The following ZFPM2 variants were observed in gnomAD, a reference collection of about 807,000 sequenced individuals.
ZFPM2 encodes the protein zinc finger protein, FOG family member 2, also known as zinc finger protein ZFPM2.
In ZFPM2, 20 loss-of-function variants were observed where a neutral mutation model predicts 98.6. The ratio of observed to expected loss-of-function variants is 0.20; its 90% CI spans 0.14 to 0.29. The LOEUF (loss-of-function observed/expected upper bound fraction) is 0.29, where lower values mean the gene tolerates loss of function less well. Ranked by LOEUF, ZFPM2 falls within the 10% of genes least tolerant of loss-of-function variation. ZFPM2 has a pLI of 1.00. For synonymous variants in ZFPM2, 518 were observed against 502.7 expected (o/e 1.03, Z -0.41); for missense variants, 1,310 against 1,388.6 (o/e 0.94, Z 0.90).
At chr8:105,369,765 C>G (rs1191146644) in intron 1 of ZFPM2, among the ~76,000 whole-genome samples, 2 of 151,470 alleles carry the variant, frequency 1.3e-5, no homozygotes, top group Non-Finnish European at 2.9e-5. Context: ...TTCTTTTTTT[C>G]TTTCTGGAAA....
Position 105,802,456 on chromosome 8 carries a change from C to T in ZFPM2, c.2374C>T (p.Pro792Ser), listed in dbSNP as rs756871219. ...CTACCACCCAAGATGTGATATCTTT[C>T]CAGGAATTGTCTCTAAACACTTGGA... is the stretch of plus-strand genomic sequence containing the variant. ...ECYHPRCDIFPGIVSKHLETS... is the reference protein window; with the variant it reads ...ECYHPRCDIFSGIVSKHLETS... The change falls in exon 8 of 8, where the codon CCA becomes TCA. Residue 792 changes from proline to serine, a missense_variant. Coordinates refer to ENST00000407775, the MANE Select transcript of ZFPM2 (RefSeq NM_012082.4). 3.6e-5 allele frequency: 58 copies of T among 1,613,520 alleles called. No homozygotes were observed. The Admixed American group carries it at 9.3e-4, about 26-fold the overall frequency.
chr8:105,731,142 C>T (rs544662446), intron 5 of ZFPM2, among the ~76,000 whole-genome samples: 8 of 151,740 alleles, frequency 5.3e-5, no homozygotes, highest in Non-Finnish European at 1.0e-4. Flanking sequence ...ATTCCTTTTT[C>T]ATGGGGCAAA....
chr8:105,410,484 A>T lies in ZFPM2; in HGVS notation c.41-8660A>T, dbSNP rs544402061. Among the ~76,000 whole-genome samples the T allele has an allele frequency of 2.7e-4, 41 of 152,068 alleles. No individual in the cohort carries two copies. The South Asian group carries it at 8.1e-3, about 30-fold the overall frequency. On this transcript the variant is annotated intron_variant, in intron 1 of 7. Transcript: ENST00000407775. ...TAGCAAAAGAAGGAAATATAAATCC[A>T]TTCTGGAGTTAAAAGACTCCGTGCC...
chr8:105,472,900 T>A (rs1336360770), intron 3 of ZFPM2, among the ~76,000 whole-genome samples: 3 of 150,024 alleles, frequency 2.0e-5, no homozygotes, highest in Non-Finnish European at 3.0e-5. Context: ...TTTTTTTTTT[T>A]TTTTTTTTTT....
chr8:105,646,590 G>A lies in ZFPM2; in HGVS notation c.532+12233G>A, dbSNP rs62528598. On this transcript the variant is annotated intron_variant, in intron 5 of 7. Coordinates refer to ENST00000407775, the MANE Select transcript of ZFPM2 (RefSeq NM_012082.4). ...ACTAAAGGCTGCATGGAAAGGCAGC[G>A]TGAGTAGGCAGGACTTATCAACTGG... is the stretch of plus-strand genomic sequence containing the variant. 4.6e-5 allele frequency among the ~76,000 whole-genome samples: 7 copies of A among 151,880 alleles called. No homozygotes were observed. In the East Asian group the frequency reaches 9.7e-4, roughly 21 times the overall value.
At position 105,495,421 on chromosome 8, in the gene ZFPM2, A is replaced by G. The variant is rs184579505; in HGVS notation, c.301+51040A>G. The stretch of plus-strand genomic sequence containing the variant: ...TTAAAAAAAATTTTGCTCCCTTGAT[A>G]CAGGAAAGAATGAATACATTGGAAT... On this transcript the variant is annotated intron_variant, in intron 3 of 7. Transcript: ENST00000407775. Among the ~76,000 whole-genome samples the G allele has an allele frequency of 2.9e-3, 446 of 152,342 alleles. 3 individuals are homozygous for G. The highest frequency in any genetic ancestry group is 5.3e-3 in the Non-Finnish European group (358 of 68,032).
intron 3 of ZFPM2, among the ~76,000 whole-genome samples, chr8:105,464,891 C>T (rs565190625): frequency 2.0e-4 from 30 of 150,712 alleles, no homozygotes; most frequent in African/African-American, 7.1e-4. Flanking sequence ...ATTTCTTCTT[C>T]TGGAGCTCTC....
At chr8:105,542,988 G>A (rs1201986229) in intron 3 of ZFPM2, among the ~76,000 whole-genome samples, 1 of 152,044 alleles carries the variant, frequency 6.6e-6, no homozygotes, top group African/African-American at 2.4e-5. Flanking sequence ...GTCAAGGTGG[G>A]TCATTAGGTT....
intron 3 of ZFPM2, among the ~76,000 whole-genome samples, chr8:105,486,035 G>T (rs753261651): frequency 6.6e-6 from 1 of 152,060 alleles, no homozygotes; most frequent in Non-Finnish European, 1.5e-5. Context: ...TGAAAAGCTG[G>T]CCAGGAGATG....
intron 1 of ZFPM2, among the ~76,000 whole-genome samples, chr8:105,330,628 A>AT (rs1434041462): frequency 1.5e-5 from 1 of 68,450 alleles, no homozygotes; most frequent in African/African-American, 4.2e-5. Context: ...ATATATATAT[A>AT]TATACATATA....
chr8:105,395,039 G>A (rs1364422199), intron 1 of ZFPM2, among the ~76,000 whole-genome samples: 2 of 152,116 alleles, frequency 1.3e-5, no homozygotes, highest in East Asian at 3.9e-4. Flanking sequence ...CACTGTGGAA[G>A]GTAAGACATC....
At chr8:105,734,516 G>C (rs541786714) in intron 5 of ZFPM2, among the ~76,000 whole-genome samples, 4 of 151,890 alleles carry the variant, frequency 2.6e-5, no homozygotes, top group Non-Finnish European at 5.9e-5. Flanking sequence ...CCACGAGATG[G>C]TTAATTCCTC....
chr8:105,485,491 C>G (rs1229929446), intron 3 of ZFPM2, among the ~76,000 whole-genome samples: 1 of 152,048 alleles, frequency 6.6e-6, no homozygotes, highest in African/African-American at 2.4e-5. Context: ...GCTCTCCAAC[C>G]TGGGTGACAG....
chr8:105,508,820 A>T (rs1374648390), intron 3 of ZFPM2, among the ~76,000 whole-genome samples: 2 of 143,594 alleles, frequency 1.4e-5, no homozygotes, highest in Non-Finnish European at 1.5e-5. Flanking sequence ...TCCCCCTCGC[A>T]TTGTTGTGTT....
At chr8:105,519,629 A>G (rs961042180) in intron 3 of ZFPM2, among the ~76,000 whole-genome samples, 1 of 152,104 alleles carries the variant, frequency 6.6e-6, no homozygotes, top group African/African-American at 2.4e-5. Context: ...TGGGGAACAC[A>G]TTGATATTAT....
chr8:105,389,515 A>C (rs561265224), intron 1 of ZFPM2, among the ~76,000 whole-genome samples: 1 of 152,238 alleles, frequency 6.6e-6, no homozygotes, highest in East Asian at 1.9e-4. Flanking sequence ...GGGTAGATCC[A>C]AAGTTGCTTT....
chr8:105,776,950 C>T (rs774249920), intron 5 of ZFPM2, among the ~76,000 whole-genome samples: 1 of 152,094 alleles, frequency 6.6e-6, no homozygotes, highest in Non-Finnish European at 1.5e-5. Flanking sequence ...TCTCTTAGTC[C>T]AGAAGTATGG....
chr8:105,803,725 C>A lies in ZFPM2; in HGVS notation c.*187C>A, dbSNP rs1814119861. On this transcript the variant is annotated 3_prime_UTR_variant, in exon 8 of 8. Coordinates refer to ENST00000407775, the MANE Select transcript of ZFPM2 (RefSeq NM_012082.4). ...TAAAGTGTATTATTGGTGCCATTTTCAAAAAAATTAATTTATTTTACCAGC... is the reference window on the plus strand; with the variant it reads ...TAAAGTGTATTATTGGTGCCATTTTAAAAAAAATTAATTTATTTTACCAGC... 2 of 582,158 alleles carry A rather than the reference C, an allele frequency of 3.4e-6. No individual in the cohort carries two copies. Among genetic ancestry groups the A allele is most frequent in the East Asian group, 2.9e-5 (1 of 34,216 alleles). 36.1% of individuals were successfully genotyped at this position (582,158 alleles called of 1,614,324 possible).
chr8:105,499,222 T>C (rs568858505), intron 3 of ZFPM2, among the ~76,000 whole-genome samples: 1 of 149,700 alleles, frequency 6.7e-6, no homozygotes, highest in South Asian at 2.1e-4. Flanking sequence ...CAATGCGACG[T>C]CAGTTTAAGG....
Sources: gnomAD v4.1 joint callset for allele counts (sites outside exome capture counted in the v4.1 genomes callset) on GRCh38, gnomAD v4.1.1 for gene constraint, MANE v1.5 for transcripts, NCBI Gene and HGNC (gene_info 2026-07-23, HGNC 2026-07-21) for gene names.